CWC27: variants seen among roughly 807,000 people sequenced by gnomAD.
CWC27 encodes spliceosome-associated protein CWC27 homolog.
In CWC27, 47 loss-of-function variants were observed where a neutral mutation model predicts 63.6. The observed-to-expected ratio is 0.74, with a 90% confidence interval of 0.58 to 0.94. The LOEUF is 0.94. Among genes scored for constraint, CWC27 ranks in the 40% least tolerant of loss-of-function variants. The pLI, the probability that CWC27 is intolerant of heterozygous loss-of-function variation, is 0.00. For missense variants in CWC27, 495 were observed against 554.3 expected, an observed-to-expected ratio of 0.89 and a Z score of 1.07; for synonymous variants, 175 against 179.8, an observed-to-expected ratio of 0.97 and a Z score of 0.22.
intron 11 of CWC27, among the ~76,000 whole-genome samples, chr5:64,937,824 A>G (rs917568833): frequency 1.3e-5 from 2 of 151,094 alleles, no homozygotes; most frequent in African/African-American, 4.9e-5. Flanking sequence ...TTCTTATTGC[A>G]TTGATCCCTT....
At chr5:64,836,966 A>G (rs1387349235) in intron 10 of CWC27, among the ~76,000 whole-genome samples, 2 of 152,052 alleles carry the variant, frequency 1.3e-5, no homozygotes, top group African/African-American at 2.4e-5. Flanking sequence ...TAAATGAGAA[A>G]CTAAGATTTT....
chr5:64,938,109 A>G (rs1190469348), intron 11 of CWC27, among the ~76,000 whole-genome samples: 1 of 151,984 alleles, frequency 6.6e-6, no homozygotes, highest in African/African-American at 2.4e-5. Flanking sequence ...TTTACATTTA[A>G]GGTTAATATT....
intron 10 of CWC27, among the ~76,000 whole-genome samples, chr5:64,827,365 G>A (rs1002848311): frequency 6.6e-5 from 10 of 152,022 alleles, no homozygotes; most frequent in African/African-American, 2.4e-4. Context: ...TTTATACCAC[G>A]TTTGCATGAG....
chr5:64,971,625 C>G, intron 11 of CWC27, 78 bp from the exon 12 acceptor site: 1 of 1,126,084 alleles, frequency 8.9e-7, no homozygotes, highest in African/African-American at 1.6e-5. Context: ...TCCTCTTCAG[C>G]AACAGGAGCA....
chr5:64,864,203 T>C (rs114301091), intron 10 of CWC27, among the ~76,000 whole-genome samples: 4,182 of 152,286 alleles, frequency 0.027, 201 homozygotes, highest in African/African-American at 0.095. Flanking sequence ...CCTCGTGGAT[T>C]TTTATATTTT....
chr5:64,804,671 T>C (rs963424014), intron 10 of CWC27: 13 of 230,476 alleles, frequency 5.6e-5, no homozygotes, highest in African/African-American at 2.9e-4. Flanking sequence ...ATGTATTAGC[T>C]AGATGTGGAA....
chr5:65,006,693 C>A (rs112112811), intron 13 of CWC27, among the ~76,000 whole-genome samples: 1,534 of 151,782 alleles, frequency 0.01, 28 homozygotes, highest in African/African-American at 0.035. Context: ...ACAAATATAG[C>A]CACAAAATGT....
intron 11 of CWC27, among the ~76,000 whole-genome samples, chr5:64,955,378 T>A (rs1486132830): frequency 6.6e-6 from 1 of 152,166 alleles, no homozygotes; most frequent in East Asian, 1.9e-4. Flanking sequence ...AATGGTAGAT[T>A]TGAGATTTTA....
At chr5:64,965,805 T>G (rs1749003142) in intron 11 of CWC27, among the ~76,000 whole-genome samples, 4 of 152,322 alleles carry the variant, frequency 2.6e-5, no homozygotes, top group Admixed American at 6.5e-5. Context: ...TGAATTTTAT[T>G]CATTCTTTAG....
intron 10 of CWC27, among the ~76,000 whole-genome samples, chr5:64,884,596 C>A (rs1444674315): frequency 6.6e-6 from 1 of 152,112 alleles, no homozygotes; most frequent in Non-Finnish European, 1.5e-5. Flanking sequence ...GGGTTTATAG[C>A]CTTTGAATTT....
chr5:64,970,985 G>A (rs1195395001), intron 11 of CWC27, among the ~76,000 whole-genome samples: 4 of 151,160 alleles, frequency 2.6e-5, no homozygotes, highest in Non-Finnish European at 5.9e-5. Flanking sequence ...GTGTGTGTGT[G>A]TGTGTGTGTG....
intron 7 of CWC27, among the ~76,000 whole-genome samples, chr5:64,789,735 T>G (rs1744009944): frequency 6.6e-6 from 1 of 152,176 alleles, no homozygotes; most frequent in Admixed American, 6.6e-5. Context: ...GTGTGTATAC[T>G]ACAAGAAAAC....
intron 11 of CWC27, among the ~76,000 whole-genome samples, chr5:64,935,218 A>G (rs1748321554): frequency 6.6e-6 from 1 of 152,164 alleles, no homozygotes; most frequent in African/African-American, 2.4e-5. Context: ...GTTTTCTTCT[A>G]GGGTTTTATG....
chr5:64,929,886 A>C (rs1451648554), intron 11 of CWC27, among the ~76,000 whole-genome samples: 3 of 151,310 alleles, frequency 2.0e-5, no homozygotes, highest in Non-Finnish European at 2.9e-5. Context: ...AAGAGAATTG[A>C]AAGCAAGTGT....
chr5:64,822,230 G>C (rs1745221132), intron 10 of CWC27, among the ~76,000 whole-genome samples: 1 of 152,214 alleles, frequency 6.6e-6, no homozygotes, highest in Non-Finnish European at 1.5e-5. Flanking sequence ...TTGAAGCAGT[G>C]TTCTGTTTGA....
intron 13 of CWC27, among the ~76,000 whole-genome samples, chr5:65,010,545 A>C (rs1293044532): frequency 5.9e-5 from 9 of 152,214 alleles, no homozygotes; most frequent in Admixed American, 5.2e-4. Flanking sequence ...TAACAGAGAA[A>C]TTAGAAGCTG....
At chr5:64,848,666 T>C (rs1215411346) in intron 10 of CWC27, among the ~76,000 whole-genome samples, 1 of 152,178 alleles carries the variant, frequency 6.6e-6, no homozygotes, top group Non-Finnish European at 1.5e-5. Flanking sequence ...ATCCCTGAGA[T>C]ACACAAAAGA....
intron 11 of CWC27, among the ~76,000 whole-genome samples, chr5:64,926,966 GTTA>G (rs1396141843): frequency 6.6e-6 from 1 of 152,148 alleles, no homozygotes; most frequent in Non-Finnish European, 1.5e-5. Flanking sequence ...TCTTTAAATA[GTTA>G]TTATCATCAC....
intron 10 of CWC27, among the ~76,000 whole-genome samples, chr5:64,805,607 A>C (rs1744642514): frequency 6.6e-6 from 1 of 151,988 alleles, no homozygotes. Flanking sequence ...ATATATTTAA[A>C]AATTTTAATA....
Sources: gnomAD v4.1 joint callset for allele counts (sites outside exome capture counted in the v4.1 genomes callset) on GRCh38, gnomAD v4.1.1 for gene constraint, MANE v1.5 for transcripts, NCBI Gene and HGNC (gene_info 2026-07-23, HGNC 2026-07-21) for gene names.